Variants in GATAD2B observed in about 807,000 individuals in gnomAD.
The protein encoded by GATAD2B is transcriptional repressor p66-beta.
In GATAD2B, 8 loss-of-function variants were observed where a neutral mutation model predicts 64.3. That is an observed-to-expected ratio of 0.12 (90% CI 0.07 to 0.22). The LOEUF is 0.22. Among genes scored for constraint, GATAD2B ranks in the 10% least tolerant of loss-of-function variants. GATAD2B has a pLI of 1.00. For missense variants in GATAD2B, 453 were observed against 752.0 expected, an observed-to-expected ratio of 0.60 and a Z score of 4.65; for synonymous variants, 281 against 271.3, an observed-to-expected ratio of 1.04 and a Z score of -0.35.
intron 2 of GATAD2B, among the ~76,000 whole-genome samples, chr1:153,827,174 A>G (rs368288413): frequency 4.6e-5 from 7 of 150,616 alleles, no homozygotes. Flanking sequence ...TGAGGGGGGA[A>G]GATCGCTTGA....
chr1:153,892,437 G>A (rs1465178723), intron 1 of GATAD2B, among the ~76,000 whole-genome samples: 2 of 152,002 alleles, frequency 1.3e-5, no homozygotes, highest in Non-Finnish European at 1.5e-5. Context: ...AAACTGATAA[G>A]TAAAGGGGTC....
intron 1 of GATAD2B, among the ~76,000 whole-genome samples, chr1:153,875,324 A>G (rs965354057): frequency 6.6e-6 from 1 of 152,120 alleles, no homozygotes; most frequent in African/African-American, 2.4e-5. Context: ...TGGGCCACAC[A>G]TAAAATACAC....
In GATAD2B at chr1:153,907,515, T is replaced by A. The variant is rs376180105; in HGVS notation, c.-2+15218A>T. Among the ~76,000 whole-genome samples the A allele has an allele frequency of 2.6e-5, 4 of 152,174 alleles. No individual in the cohort carries two copies. The East Asian group carries it at 5.8e-4, about 22-fold the overall frequency. ...TGCGGAGAGGGGAGAATGGGAGTTA[T>A]AGTTCAATATATACAAAGTTTCAGT... On this transcript the variant is annotated intron_variant, in intron 1 of 10. Coordinates refer to ENST00000368655, the MANE Select transcript of GATAD2B (RefSeq NM_020699.4).
chr1:153,921,599 C>T (rs969722338), intron 1 of GATAD2B, among the ~76,000 whole-genome samples: 2 of 152,048 alleles, frequency 1.3e-5, no homozygotes, highest in African/African-American at 2.4e-5. Flanking sequence ...CTCTTACACA[C>T]ACACACACGC....
Position 153,812,174 on chromosome 1 carries a change from C to G in GATAD2B, c.1420-42G>C, listed in dbSNP as rs747701771. ...CATCAGGTGATTGAGCAGGACAGCA[C>G]CCAATACCCAATTTCCTTTTTTTTT... On this transcript the variant is annotated intron_variant, in intron 8 of 10. Coordinates refer to ENST00000368655, the MANE Select transcript of GATAD2B (RefSeq NM_020699.4). The G allele has an allele frequency of 4.1e-6, 4 of 969,862 alleles. No individual in the cohort carries two copies. The East Asian group carries it at 9.6e-5, about 23-fold the overall frequency. The allele number at this position is 969,862 out of a possible 1,614,324, so 60.1% of individuals were successfully genotyped here.
At chr1:153,892,237 A>C (rs1431530974) in intron 1 of GATAD2B, among the ~76,000 whole-genome samples, 1 of 151,920 alleles carries the variant, frequency 6.6e-6, no homozygotes, top group African/African-American at 2.4e-5. Context: ...TAGAAGCAGC[A>C]TAAGTCACTC....
At chr1:153,865,422 C>T (rs576992431) in intron 1 of GATAD2B, among the ~76,000 whole-genome samples, 1 of 152,274 alleles carries the variant, frequency 6.6e-6, no homozygotes, top group African/African-American at 2.4e-5. Context: ...GATCGTGCCA[C>T]TGCACTCCAG....
chr1:153,817,345 C>T (rs746936571), intron 6 of GATAD2B, 27 bp downstream of exon 6: 30 of 1,486,036 alleles, frequency 2.0e-5, no homozygotes, highest in Non-Finnish European at 2.7e-5. Context: ...TTCTCTGTTT[C>T]CACATTAGGG....
At chr1:153,819,563 G>T (rs1182457916) in intron 3 of GATAD2B, 43 bp downstream of exon 3, 2 of 1,355,218 alleles carry the variant, frequency 1.5e-6, no homozygotes, top group Admixed American at 2.2e-5. Flanking sequence ...AAATAAAATA[G>T]AAGGAGCATA....
At chr1:153,852,133 T>C in intron 1 of GATAD2B, 2 of 675,074 alleles carry the variant, frequency 3.0e-6, no homozygotes, top group South Asian at 1.9e-5. Context: ...CTGGGCCTCC[T>C]GGCTGCTCTT....
rs1405866487 is a variant in GATAD2B at position 153,808,265 on chromosome 1, T to G, written c.*1912A>C. ...CTGGCTGCATCTCTGCTCCTTTAAG[T>G]GCTCAATGAATTTGGGGTAAGGGAG... On this transcript the variant is annotated 3_prime_UTR_variant, in exon 11 of 11. Coordinates refer to ENST00000368655, the MANE Select transcript of GATAD2B (RefSeq NM_020699.4). 1 of 152,406 alleles carries G rather than the reference T, an allele frequency of 6.6e-6. No homozygotes were observed. The highest frequency in any genetic ancestry group is 1.5e-5 in the Non-Finnish European group (1 of 68,030). 9.4% of individuals were successfully genotyped at this position (152,406 alleles called of 1,614,324 possible). A position where few individuals can be genotyped will look rare whatever the true frequency, so the allele number is the denominator to read the frequency against.
rs59672637 is a variant in GATAD2B at position 153,901,856 on chromosome 1, T to TAAAA, written c.-2+20876_-2+20877insTTTT. 7.4e-4 allele frequency among the ~76,000 whole-genome samples: 105 copies of TAAAA among 142,380 alleles called. 1 individual carries two copies. Among genetic ancestry groups the TAAAA allele is most frequent in the Admixed American group, 1.4e-3 (19 of 13,958 alleles). 93.4% of individuals were successfully genotyped at this position (142,380 alleles called of 152,430 possible). A position where few individuals can be genotyped will look rare whatever the true frequency, so the allele number is the denominator to read the frequency against. On this transcript the variant is annotated intron_variant, in intron 1 of 10. Coordinates refer to ENST00000368655, the MANE Select transcript of GATAD2B (RefSeq NM_020699.4). ...ATAAATAAATAAATAAATAAATAAA[T>TAAAA]TAAATAAAATGGCCCTGGTGTCTAC...
intron 1 of GATAD2B, among the ~76,000 whole-genome samples, chr1:153,854,504 C>T (rs906698114): frequency 2.6e-5 from 4 of 152,172 alleles, no homozygotes; most frequent in African/African-American, 9.7e-5. Flanking sequence ...GCATACTGCT[C>T]ATTTTCAGTT....
intron 1 of GATAD2B, among the ~76,000 whole-genome samples, chr1:153,872,415 A>T (rs1425795887): frequency 6.6e-6 from 1 of 151,848 alleles, no homozygotes; most frequent in African/African-American, 2.4e-5. Context: ...TTATTACATT[A>T]AAATACATTG....
intron 2 of GATAD2B, 122 bp downstream of exon 2, chr1:153,827,891 T>C (rs532214168): frequency 3.4e-5 from 25 of 729,666 alleles, no homozygotes; most frequent in South Asian, 3.2e-4. Flanking sequence ...TCAAACTCGA[T>C]GATATATCTT....
intron 1 of GATAD2B, among the ~76,000 whole-genome samples, chr1:153,855,317 C>T (rs1443041487): frequency 6.6e-6 from 1 of 151,916 alleles, no homozygotes; most frequent in Admixed American, 6.6e-5. Flanking sequence ...TAACTTCTGC[C>T]TCCTGGGCTC....
intron 1 of GATAD2B, among the ~76,000 whole-genome samples, chr1:153,896,093 T>C (rs933882061): frequency 1.3e-5 from 2 of 151,532 alleles, no homozygotes; most frequent in African/African-American, 2.4e-5. Context: ...CCAGTAGTTC[T>C]AGGCTGTAGT....
chr1:153,851,818 A>AACAC (rs1212041919), intron 1 of GATAD2B, among the ~76,000 whole-genome samples: 2 of 152,204 alleles, frequency 1.3e-5, no homozygotes, highest in East Asian at 3.8e-4. Context: ...AACAGAGGGT[A>AACAC]ACACAATGGC....
At chr1:153,820,645 CTT>C (rs778618442) in intron 2 of GATAD2B, among the ~76,000 whole-genome samples, 5 of 151,170 alleles carry the variant, frequency 3.3e-5, no homozygotes, top group Admixed American at 6.6e-5. Context: ...TTTTTTCCCT[CTT>C]GAGACAGGGT....
Sources: gnomAD v4.1 joint callset for allele counts (sites outside exome capture counted in the v4.1 genomes callset) on GRCh38, gnomAD v4.1.1 for gene constraint, MANE v1.5 for transcripts, NCBI Gene and HGNC (gene_info 2026-07-23, HGNC 2026-07-21) for gene names.